C13orf46: variants seen among roughly 807,000 people sequenced by gnomAD.
The protein encoded by C13orf46 is uncharacterized protein C13orf46.
At chr13:113,945,614 A>G in the C13orf46 span, among the ~76,000 whole-genome samples, 2 of 84,068 alleles carry the variant, frequency 2.4e-5, no homozygotes, top group African/African-American at 8.2e-5. Context: ...AGAAGAAAGA[A>G]AGAAAGAAAG....
chr13:113,942,232 C>T, the C13orf46 span, among the ~76,000 whole-genome samples: 6 of 152,332 alleles, frequency 3.9e-5, no homozygotes, highest in Admixed American at 6.5e-5. Context: ...TCGCCACTGG[C>T]CGGGTCAACA....
At chr13:113,958,974 C>A (rs1441556956) in intron 6 of C13orf46, among the ~76,000 whole-genome samples, 1 of 152,196 alleles carries the variant, frequency 6.6e-6, no homozygotes, top group Non-Finnish European at 1.5e-5. Context: ...GAGAAAAATT[C>A]TCCTAGTTGA....
At chr13:113,964,183 T>C (rs1373793374) in intron 6 of C13orf46, among the ~76,000 whole-genome samples, 1 of 152,250 alleles carries the variant, frequency 6.6e-6, no homozygotes, top group Non-Finnish European at 1.5e-5. Context: ...GAACAATTCA[T>C]CCTTTAAAAA....
At chr13:113,960,789 T>G (rs74195546) in intron 6 of C13orf46, among the ~76,000 whole-genome samples, 45,686 of 152,166 alleles carry the variant, frequency 0.3, 7,734 homozygotes, top group East Asian at 0.45. Context: ...GCTCTTCCTG[T>G]GTCAGGCGAG....
the C13orf46 span, among the ~76,000 whole-genome samples, chr13:113,931,524 C>T: frequency 6.6e-6 from 1 of 152,164 alleles, no homozygotes; most frequent in African/African-American, 2.4e-5. Flanking sequence ...GGGATGAGCG[C>T]CCCTCAGACG....
the C13orf46 span, among the ~76,000 whole-genome samples, chr13:113,947,343 C>T: frequency 4.6e-5 from 7 of 152,088 alleles, no homozygotes; most frequent in African/African-American, 1.2e-4. Flanking sequence ...GCGGACCAAC[C>T]TCAAAGGGCC....
downstream of C13orf46, among the ~76,000 whole-genome samples, chr13:113,951,303 G>C (rs1001354472): frequency 6.6e-6 from 1 of 152,184 alleles, no homozygotes; most frequent in Non-Finnish European, 1.5e-5. Context: ...CCACGGGGTG[G>C]TGCTGTTGGC....
At chr13:113,953,567 C>G (rs1052703807), downstream of C13orf46, 1 of 152,306 alleles carries the variant, frequency 6.6e-6, no homozygotes, top group Admixed American at 6.5e-5. Flanking sequence ...CTCTGGAAGG[C>G]TCACATTCTA....
chr13:113,963,566 G>GC (rs1332442869), intron 6 of C13orf46, among the ~76,000 whole-genome samples: 3 of 128,588 alleles, frequency 2.3e-5, no homozygotes, highest in Non-Finnish European at 4.9e-5. Flanking sequence ...CCAGTCCTCA[G>GC]CCTCGCCCCT....
chr13:113,935,324 GC>G, the C13orf46 span, among the ~76,000 whole-genome samples: 1 of 152,238 alleles, frequency 6.6e-6, no homozygotes, highest in Non-Finnish European at 1.5e-5. Flanking sequence ...GAGGTTAGGG[GC>G]CCCTGGCCCT....
At chr13:113,946,380 G>C in the C13orf46 span, among the ~76,000 whole-genome samples, 1 of 152,236 alleles carries the variant, frequency 6.6e-6, no homozygotes, top group East Asian at 1.9e-4. Context: ...CCCCCTCTGT[G>C]GTGGGGCATC....
chr13:113,941,882 A>G, the C13orf46 span, among the ~76,000 whole-genome samples: 1 of 152,022 alleles, frequency 6.6e-6, no homozygotes, highest in Non-Finnish European at 1.5e-5. Flanking sequence ...CTTTACTCTC[A>G]CCGCCTTCCT....
At chr13:113,926,579 G>A in the C13orf46 span, 1 of 152,226 alleles carries the variant, frequency 6.6e-6, no homozygotes, top group Non-Finnish European at 1.5e-5. Flanking sequence ...GAGACAGAAA[G>A]CAGATCTGTG....
At chr13:113,966,240 ATAG>A (rs1490502383) in intron 5 of C13orf46, among the ~76,000 whole-genome samples, 12 of 148,646 alleles carry the variant, frequency 8.1e-5, no homozygotes, top group African/African-American at 2.0e-4. Flanking sequence ...GGGGATAGCG[ATAG>A]TGGTGATGGT....
At chr13:113,932,511 G>C in the C13orf46 span, among the ~76,000 whole-genome samples, 1 of 152,200 alleles carries the variant, frequency 6.6e-6, no homozygotes, top group Non-Finnish European at 1.5e-5. Flanking sequence ...GCTTCTGTCT[G>C]TTAATATAGC....
At chr13:113,933,374 C>T in the C13orf46 span, among the ~76,000 whole-genome samples, 1 of 152,348 alleles carries the variant, frequency 6.6e-6, no homozygotes, top group Non-Finnish European at 1.5e-5. Context: ...GTTGTTCTGT[C>T]TCATTGACCT....
chr13:113,948,498 A>G, the C13orf46 span, among the ~76,000 whole-genome samples: 19 of 152,210 alleles, frequency 1.2e-4, no homozygotes, highest in African/African-American at 4.6e-4. Context: ...CCCACTGGGA[A>G]CTGGGCCACG....
the C13orf46 span, chr13:113,927,460 T>A: frequency 2.5e-6 from 1 of 398,238 alleles, no homozygotes; most frequent in African/African-American, 2.1e-5. Context: ...GCACTTCAAC[T>A]GCAAAGTACA....
At chr13:113,929,026 G>A in the C13orf46 span, among the ~76,000 whole-genome samples, 1 of 152,248 alleles carries the variant, frequency 6.6e-6, no homozygotes, top group Non-Finnish European at 1.5e-5. Context: ...GTAGCCGGAT[G>A]CTCTGCCAAG....
Sources: gnomAD v4.1 joint callset for allele counts (sites outside exome capture counted in the v4.1 genomes callset) on GRCh38, gnomAD v4.1.1 for gene constraint, MANE v1.5 for transcripts, NCBI Gene and HGNC (gene_info 2026-07-23, HGNC 2026-07-21) for gene names.